Variants in SMAP2 observed in about 807,000 individuals in gnomAD.
SMAP2 encodes the protein small ArfGAP2, also known as stromal membrane-associated protein 2.
In SMAP2, 25 loss-of-function variants were observed where a neutral mutation model predicts 56.4. That is an observed-to-expected ratio of 0.44 (90% CI 0.32 to 0.62). The LOEUF (loss-of-function observed/expected upper bound fraction) is 0.62, where lower values mean the gene tolerates loss of function less well. SMAP2 is among the 20% of genes least tolerant of loss of function. The pLI is 0.04. For missense variants in SMAP2, 388 were observed against 545.6 expected (o/e 0.71, Z 2.88); for synonymous variants, 157 against 181.7 (o/e 0.86, Z 1.09).
intron 1 of SMAP2, among the ~76,000 whole-genome samples, chr1:40,347,773 C>T (rs369174382): frequency 1.6e-3 from 246 of 152,200 alleles, no homozygotes; most frequent in African/African-American, 5.6e-3. Context: ...ATTAACAATT[C>T]GGCATATTTG....
chr1:40,412,757 G>A (rs568239589), intron 4 of SMAP2, among the ~76,000 whole-genome samples: 1 of 152,168 alleles, frequency 6.6e-6, no homozygotes, highest in Non-Finnish European at 1.5e-5. Context: ...AGCCTCGACT[G>A]CAAATGTCAA....
In SMAP2 at chr1:40,366,321, G is replaced by A. The variant is rs1402567049; in HGVS notation, c.55+3885G>A. On this transcript the variant is annotated intron_variant, in intron 2 of 6. Coordinates refer to the SMAP2 transcript ENST00000435168. ...GAACTTCCCCAATTTAGCAAGGCAGGCCAACGTTCAGATTCAGGAAATACA... is the reference window on the plus strand; with the variant it reads ...GAACTTCCCCAATTTAGCAAGGCAGACCAACGTTCAGATTCAGGAAATACA... Among the ~76,000 whole-genome samples the A allele has an allele frequency of 2.1e-5, 3 of 145,216 alleles. No individual in the cohort carries two copies. In the South Asian group the frequency reaches 6.7e-4, roughly 33 times the overall value.
intron 1 of SMAP2, among the ~76,000 whole-genome samples, chr1:40,401,659 A>G (rs905478743): frequency 2.6e-5 from 4 of 152,200 alleles, no homozygotes; most frequent in African/African-American, 7.2e-5. Flanking sequence ...TGGTGGGGGA[A>G]GTTTCAGCAG....
intron 1 of SMAP2, among the ~76,000 whole-genome samples, chr1:40,359,292 G>A (rs1439731215): frequency 1.3e-5 from 2 of 152,124 alleles, no homozygotes; most frequent in African/African-American, 2.4e-5. Context: ...TAGTAGAGAC[G>A]GGGTTTCCCC....
intron 1 of SMAP2, among the ~76,000 whole-genome samples, chr1:40,357,487 G>A (rs1569819969): frequency 6.8e-6 from 1 of 147,180 alleles, no homozygotes; most frequent in African/African-American, 2.5e-5. Context: ...AAAAAAAAAA[G>A]AAGGAAATCT....
At position 40,374,835 on chromosome 1, in the gene SMAP2, C is replaced by T; in HGVS notation, c.103+612C>T. 1 of 1,539,816 alleles carries T rather than the reference C, an allele frequency of 6.5e-7. No individual in the cohort carries two copies. The highest frequency in any genetic ancestry group is 8.8e-7 in the Non-Finnish European group (1 of 1,140,968). On this transcript the variant is annotated intron_variant, in intron 1 of 9. Coordinates refer to ENST00000372718, the MANE Select transcript of SMAP2 (RefSeq NM_022733.3). This position sits in a 1 kb window ranked among gnomAD's most constrained non-coding sequence, Gnocchi z 5.9. ...GTGTGCAGTGGGAAACTGCCTTATG[C>T]AGTGACACAGTGCGGATTTCTAGGC...
chr1:40,350,026 G>A lies in SMAP2; in HGVS notation c.-83+5116G>A, dbSNP rs56009225. On this transcript the variant is annotated intron_variant, in intron 1 of 6. Coordinates refer to the SMAP2 transcript ENST00000435168. ...GGAGACAGTACTCCCAGGCCTCCCG[G>A]AGGCTGTGGGGTTGAATCTCCCACC... Among the ~76,000 whole-genome samples, 194 of 152,310 alleles carry A rather than the reference G, an allele frequency of 1.3e-3. 4 individuals are homozygous for A. In the Middle Eastern group the frequency reaches 0.027, roughly 21 times the overall value.
chr1:40,407,014 C>G, intron 2 of SMAP2, 145 bp downstream of exon 2: 1 of 801,650 alleles, frequency 1.2e-6, no homozygotes, highest in Non-Finnish European at 1.9e-6. Context: ...TGTACCCTAA[C>G]AGAAATTTTT....
intron 2 of SMAP2, among the ~76,000 whole-genome samples, chr1:40,407,077 A>G (rs985427364): frequency 5.9e-5 from 9 of 152,182 alleles, no homozygotes; most frequent in African/African-American, 1.9e-4. Flanking sequence ...CCTCCTTAAA[A>G]ACAGAAATAG....
chr1:40,384,914 T>C (rs79339116), intron 1 of SMAP2, among the ~76,000 whole-genome samples: 1,645 of 152,318 alleles, frequency 0.011, 24 homozygotes, highest in African/African-American at 0.037. Context: ...ATAAATATAA[T>C]ATTTCACTGC....
rs139764580 is a variant in SMAP2 at position 40,359,518 on chromosome 1, T to A, written c.-82-2782T>A. Among the ~76,000 whole-genome samples the A allele has an allele frequency of 1.1e-4, 17 of 152,342 alleles. No homozygotes were observed. The East Asian group carries it at 2.7e-3, about 24-fold the overall frequency. ...GAGTTTAGTCCATTTACATTCAGTG[T>A]TATTATTGGTAAGTAAGGACTTATG... On this transcript the variant is annotated intron_variant, in intron 1 of 6. Coordinates refer to the SMAP2 transcript ENST00000435168.
chr1:40,382,772 G>T (rs1459395465), intron 1 of SMAP2, among the ~76,000 whole-genome samples: 23 of 152,150 alleles, frequency 1.5e-4, no homozygotes, highest in Admixed American at 1.5e-3. Flanking sequence ...TGTAAGCTAG[G>T]GGGCAGGGGC....
intron 1 of SMAP2, among the ~76,000 whole-genome samples, chr1:40,351,457 A>C (rs1023029110): frequency 6.6e-6 from 1 of 152,188 alleles, no homozygotes; most frequent in African/African-American, 2.4e-5. Flanking sequence ...TACAGAATAC[A>C]ATGATTAACT....
Position 40,374,565 on chromosome 1 carries a change from G to A in SMAP2, c.103+342G>A. The A allele has an allele frequency of 2.5e-6, 3 of 1,205,788 alleles. No individual in the cohort carries two copies. The highest frequency in any genetic ancestry group is 3.6e-6 in the Non-Finnish European group (3 of 837,948). The allele number at this position is 1,205,788 out of a possible 1,614,324, so 74.7% of individuals were successfully genotyped here. ...CCCAGCATGTCACTTGCAAAGCTGG[G>A]GATGAACTGCATTGCGTGCGTGCGT... On this transcript the variant is annotated intron_variant, in intron 1 of 9. Transcript: ENST00000372718. The surrounding 1 kb of genome is among the most constrained non-coding windows in gnomAD (Gnocchi z 5.9).
At chr1:40,387,632 A>G (rs1051923079) in intron 1 of SMAP2, among the ~76,000 whole-genome samples, 5 of 152,152 alleles carry the variant, frequency 3.3e-5, no homozygotes, top group Non-Finnish European at 7.4e-5. Flanking sequence ...GAACAGCTTT[A>G]TGGGTCATAC....
At chr1:40,347,451 C>A (rs1017550819) in intron 1 of SMAP2, among the ~76,000 whole-genome samples, 1 of 151,922 alleles carries the variant, frequency 6.6e-6, no homozygotes, top group Non-Finnish European at 1.5e-5. Flanking sequence ...TGTTTATTAA[C>A]CACTTACACT....
chr1:40,405,910 T>C (rs1569900855), intron 1 of SMAP2, among the ~76,000 whole-genome samples: 1 of 152,356 alleles, frequency 6.6e-6, no homozygotes, highest in South Asian at 2.1e-4. Flanking sequence ...AGCATCTTTA[T>C]TATTTGGCAA....
At chr1:40,383,457 C>A (rs1023704170) in intron 1 of SMAP2, among the ~76,000 whole-genome samples, 4 of 152,222 alleles carry the variant, frequency 2.6e-5, no homozygotes, top group Admixed American at 6.5e-5. Context: ...CAGGCAAAGA[C>A]ACAAAGGCAC....
chr1:40,363,373 T>C (rs180891362), intron 2 of SMAP2, among the ~76,000 whole-genome samples: 102 of 152,210 alleles, frequency 6.7e-4, no homozygotes, highest in Non-Finnish European at 9.7e-4. Context: ...GAGTTGAAAA[T>C]GGTTGTCTCA....
Sources: allele counts gnomAD v4.1 joint callset (sites outside exome capture counted in the v4.1 genomes callset), GRCh38; gene constraint gnomAD v4.1.1; non-coding constraint Gnocchi (gnomAD v3.1); transcripts MANE v1.5; gene names NCBI Gene and HGNC (gene_info 2026-07-23, HGNC 2026-07-21).